Variants in CNTNAP2 observed in about 807,000 individuals in gnomAD.
CNTNAP2 encodes contactin associated protein 2.
A neutral mutation model predicts 155.2 loss-of-function variants in CNTNAP2; 98 were observed. That is an observed-to-expected ratio of 0.63 (90% CI 0.54 to 0.75). The LOEUF is 0.75. Among genes scored for constraint, CNTNAP2 ranks in the 30% least tolerant of loss-of-function variants. CNTNAP2 has a pLI of 0.00. For synonymous variants in CNTNAP2, 651 were observed against 631.2 expected, an observed-to-expected ratio of 1.03 and a Z score of -0.47; for missense variants, 1,727 against 1,688.1, an observed-to-expected ratio of 1.02 and a Z score of -0.40.
At chr7:146,252,473 G>T (rs1020267037) in intron 1 of CNTNAP2, among the ~76,000 whole-genome samples, 1 of 152,056 alleles carries the variant, frequency 6.6e-6, no homozygotes, top group Non-Finnish European at 1.5e-5. Context: ...TTGACTCCCT[G>T]CTGAAAACCA....
chr7:147,345,679 A>T (rs567447676), intron 9 of CNTNAP2, among the ~76,000 whole-genome samples: 27 of 93,008 alleles, frequency 2.9e-4, no homozygotes, highest in Non-Finnish European at 4.5e-4. Context: ...CTGGTCAGTG[A>T]TAGTTTTTTT....
At chr7:147,302,479 C>G (rs944927649) in intron 9 of CNTNAP2, among the ~76,000 whole-genome samples, 27 of 152,174 alleles carry the variant, frequency 1.8e-4, no homozygotes, top group Admixed American at 1.2e-3. Flanking sequence ...TATGGTCTGC[C>G]TTTAGGATAT....
Position 146,748,900 on chromosome 7 carries a change from C to T in CNTNAP2, c.98-25371C>T, listed in dbSNP as rs145550862. 3.2e-3 allele frequency among the ~76,000 whole-genome samples: 490 copies of T among 152,254 alleles called. 3 individuals carry two copies. Among genetic ancestry groups the T allele is most frequent in the African/African-American group, 0.011 (461 of 41,556 alleles). On this transcript the variant is annotated intron_variant, in intron 1 of 23. Transcript: ENST00000361727. The stretch of plus-strand genomic sequence containing the variant: ...TGGCTTGTAGTCTTTATACTGTAAG[C>T]ATTTATACAACAAGTCTGCAATTCA...
intron 1 of CNTNAP2, among the ~76,000 whole-genome samples, chr7:146,686,349 T>C (rs960056545): frequency 6.6e-6 from 1 of 152,134 alleles, no homozygotes. Flanking sequence ...AGCAGTGCGA[T>C]TGTACGTAGC....
rs183184528 is a variant in CNTNAP2 at position 146,690,551 on chromosome 7, T to C, written c.98-83720T>C. Among the ~76,000 whole-genome samples the C allele has an allele frequency of 3.3e-3, 510 of 152,272 alleles. 2 individuals are homozygous for C. Among genetic ancestry groups the C allele is most frequent in the African/African-American group, 0.011 (462 of 41,556 alleles). ...CAAAGATTTAAATAAATGTTTTGTA[T>C]ATGTGAAAACTCTTTAATGGCCTCA... is the stretch of plus-strand genomic sequence containing the variant. On this transcript the variant is annotated intron_variant, in intron 1 of 23. Transcript: ENST00000361727.
At chr7:146,279,054 G>A (rs1800208496) in intron 1 of CNTNAP2, among the ~76,000 whole-genome samples, 1 of 152,082 alleles carries the variant, frequency 6.6e-6, no homozygotes, top group Admixed American at 6.5e-5. Flanking sequence ...ATTGTTAGAA[G>A]ATATGCTGTC....
intron 12 of CNTNAP2, among the ~76,000 whole-genome samples, chr7:147,599,600 C>T (rs945868201): frequency 6.6e-6 from 1 of 151,948 alleles, no homozygotes; most frequent in Non-Finnish European, 1.5e-5. Flanking sequence ...GGGCCATGCT[C>T]TTTCTGAAGT....
At chr7:148,295,640 C>T (rs1041689632) in intron 21 of CNTNAP2, among the ~76,000 whole-genome samples, 4 of 138,362 alleles carry the variant, frequency 2.9e-5, no homozygotes, top group Non-Finnish European at 4.7e-5. Context: ...TACCGGTGCC[C>T]GCCACCGCGC....
chr7:148,124,544 G>A (rs913074303), intron 16 of CNTNAP2, among the ~76,000 whole-genome samples: 2 of 152,158 alleles, frequency 1.3e-5, no homozygotes, highest in African/African-American at 2.4e-5. Context: ...CGCTGGGGAA[G>A]CTGAGGTGGA....
intron 8 of CNTNAP2, among the ~76,000 whole-genome samples, chr7:147,148,341 G>C (rs1408544198): frequency 7.3e-6 from 1 of 137,698 alleles, no homozygotes; most frequent in African/African-American, 2.7e-5. Context: ...AGTGAGCCGA[G>C]ATCCCGCCAC....
intron 21 of CNTNAP2, among the ~76,000 whole-genome samples, chr7:148,342,881 G>C (rs1333626570): frequency 1.3e-5 from 2 of 152,218 alleles, no homozygotes; most frequent in Non-Finnish European, 2.9e-5. Context: ...GAGGACACCA[G>C]CCAGAGTTTC....
chr7:146,629,439 C>T (rs552916517), intron 1 of CNTNAP2, among the ~76,000 whole-genome samples: 17 of 152,164 alleles, frequency 1.1e-4, no homozygotes, highest in African/African-American at 4.1e-4. Flanking sequence ...AAAAATATAT[C>T]ATTTTTTAAA....
chr7:146,147,209 A>G (rs2116767806), intron 1 of CNTNAP2, among the ~76,000 whole-genome samples: 1 of 152,244 alleles, frequency 6.6e-6, no homozygotes, highest in Non-Finnish European at 1.5e-5. Flanking sequence ...TGGATCGGCA[A>G]TGTGGCATTG....
At chr7:146,143,940 T>A (rs561086390) in intron 1 of CNTNAP2, among the ~76,000 whole-genome samples, 1 of 152,184 alleles carries the variant, frequency 6.6e-6, no homozygotes, top group African/African-American at 2.4e-5. Context: ...TTTTTGTATT[T>A]TTAGTAGATA....
At chr7:146,491,314 C>G (rs1395956044) in intron 1 of CNTNAP2, among the ~76,000 whole-genome samples, 1 of 151,884 alleles carries the variant, frequency 6.6e-6, no homozygotes, top group Non-Finnish European at 1.5e-5. Flanking sequence ...GCTCACTTCT[C>G]TGGTATAATA....
intron 16 of CNTNAP2, among the ~76,000 whole-genome samples, chr7:148,141,843 G>A (rs143923555): frequency 1.3e-5 from 2 of 152,180 alleles, no homozygotes; most frequent in African/African-American, 2.4e-5. Context: ...AGTTATTTGG[G>A]TAAAGTGAAC....
At chr7:146,168,707 A>C (rs527572926) in intron 1 of CNTNAP2, among the ~76,000 whole-genome samples, 1 of 152,186 alleles carries the variant, frequency 6.6e-6, no homozygotes, top group Non-Finnish European at 1.5e-5. Context: ...CTTTCAATTC[A>C]TTATCATTTC....
rs375105475 is a variant in CNTNAP2 at position 147,881,245 on chromosome 7, T to C, written c.2099-22320T>C. ...AGTGAAACCATTGGAATTGAGTATA[T>C]GTAGCACCACCAAATGCAGAAATCT... On this transcript the variant is annotated intron_variant, in intron 13 of 23. Transcript: ENST00000361727. Among the ~76,000 whole-genome samples, 55 of 152,312 alleles carry C rather than the reference T, an allele frequency of 3.6e-4. 1 individual carries two copies. The highest frequency in any genetic ancestry group is 1.1e-3 in the African/African-American group (47 of 41,560).
intron 1 of CNTNAP2, among the ~76,000 whole-genome samples, chr7:146,564,010 A>C (rs1166767071): frequency 6.6e-6 from 1 of 152,148 alleles, no homozygotes; most frequent in Non-Finnish European, 1.5e-5. Flanking sequence ...TGTATAAGTC[A>C]AATACCCATA....
Sources: gnomAD v4.1 joint callset for allele counts (sites outside exome capture counted in the v4.1 genomes callset) on GRCh38, gnomAD v4.1.1 for gene constraint, MANE v1.5 for transcripts, NCBI Gene and HGNC (gene_info 2026-07-23, HGNC 2026-07-21) for gene names.